The following NME7 variants were observed in gnomAD, a reference collection of about 807,000 sequenced individuals.
The protein encoded by NME7 is nucleoside diphosphate kinase 7.
In NME7, 41 loss-of-function variants were observed where a neutral mutation model predicts 49.1. The ratio of observed to expected loss-of-function variants is 0.83; its 90% CI spans 0.65 to 1.08. NME7 has a LOEUF of 1.08. Ranked by LOEUF, NME7 falls within the 50% of genes least tolerant of loss-of-function variation. NME7 has a pLI of 0.00. For missense variants in NME7, 423 were observed against 463.4 expected, an observed-to-expected ratio of 0.91 and a Z score of 0.80; for synonymous variants, 139 against 150.6, an observed-to-expected ratio of 0.92 and a Z score of 0.56.
intron 1 of NME7, among the ~76,000 whole-genome samples, chr1:169,330,858 C>T (rs1032866685): frequency 6.6e-6 from 1 of 151,838 alleles, no homozygotes; most frequent in South Asian, 2.1e-4. Context: ...CCTAAAGAGA[C>T]CAATAACAAG....
At chr1:169,195,836 G>A (rs1660365455) in intron 10 of NME7, among the ~76,000 whole-genome samples, 1 of 152,150 alleles carries the variant, frequency 6.6e-6, no homozygotes, top group African/African-American at 2.4e-5. Flanking sequence ...CCAAGAGCTT[G>A]CATGCTAGTG....
intron 7 of NME7, among the ~76,000 whole-genome samples, chr1:169,263,559 C>A: frequency 2.3e-5 from 3 of 132,332 alleles, no homozygotes; most frequent in African/African-American, 2.5e-5. Context: ...AGGAAGAAAA[C>A]AGAACAAAAA....
chr1:169,134,824 T>G (rs1658377367), intron 11 of NME7, among the ~76,000 whole-genome samples: 1 of 151,798 alleles, frequency 6.6e-6, no homozygotes, highest in Admixed American at 6.6e-5. Flanking sequence ...GTGGTAAATA[T>G]GATAAAAAGC....
chr1:169,177,903 C>A (rs1830492), intron 10 of NME7, among the ~76,000 whole-genome samples: 53,892 of 151,768 alleles, frequency 0.36, 10,387 homozygotes, highest in East Asian at 0.73. Flanking sequence ...GTGGCGTGAT[C>A]GCGGCTCACT....
intron 6 of NME7, among the ~76,000 whole-genome samples, chr1:169,290,806 A>T (rs1255984786): frequency 6.6e-6 from 1 of 152,204 alleles, no homozygotes. Flanking sequence ...CAAGGAACTT[A>T]AACACATTTA....
chr1:169,201,580 G>A (rs74537381), intron 10 of NME7, among the ~76,000 whole-genome samples: 2,211 of 152,210 alleles, frequency 0.015, 50 homozygotes, highest in African/African-American at 0.048. Flanking sequence ...TATCTTGAAG[G>A]ACTTGATTGA....
At chr1:169,287,832 A>G (rs1650337718) in intron 6 of NME7, among the ~76,000 whole-genome samples, 2 of 152,192 alleles carry the variant, frequency 1.3e-5, no homozygotes, top group Admixed American at 1.3e-4. Context: ...AGAGATTAAT[A>G]TCAGGAATCT....
rs1322051840 is a variant in NME7, at chr1:169,314,817, T to C, written c.279-4737A>G. ...AACAAAAACTAATGAAAGGCACACA[T>C]AGAAGAGAATACTGAAAATCTAAAG... On this transcript the variant is annotated intron_variant, in intron 3 of 11. Coordinates refer to ENST00000367811, the MANE Select transcript of NME7 (RefSeq NM_013330.5). 5.3e-5 allele frequency among the ~76,000 whole-genome samples: 8 copies of C among 151,868 alleles called. 1 individual carries two copies. The South Asian group carries it at 1.7e-3, about 32-fold the overall frequency.
Position 169,274,482 on chromosome 1 carries a change from C to T in NME7, c.754+12821G>A, listed in dbSNP as rs376170999. The stretch of plus-strand genomic sequence containing the variant: ...GCTCTTTAGTTTAATTAGATCCCAT[C>T]TGTCAATTTTGGCTTTTGTTGCCAT... On this transcript the variant is annotated intron_variant, in intron 7 of 11. Transcript: ENST00000367811. Among the ~76,000 whole-genome samples, 7 of 129,780 alleles carry T rather than the reference C, an allele frequency of 5.4e-5. 1 individual carries two copies. The East Asian group carries it at 9.9e-4, about 18-fold the overall frequency. 85.1% of individuals were successfully genotyped at this position (129,780 alleles called of 152,430 possible).
At position 169,132,788 on chromosome 1, in the gene NME7, A is replaced by G. The variant is rs763836757; in HGVS notation, c.1128T>C (p.Asn376=). ...EVQYFFKILD[N] ...GACTTCTTTACTTTCCACACCACTAATTATCCAAGATCTTGAAGAAGTATT... is the reference window on the plus strand; with the variant it reads ...GACTTCTTTACTTTCCACACCACTAGTTATCCAAGATCTTGAAGAAGTATT... Residue 376 remains asparagine (N), a synonymous_variant, in exon 12 of 12, where the codon AAT becomes AAC. Coordinates refer to ENST00000367811, the MANE Select transcript of NME7 (RefSeq NM_013330.5). 5.0e-5 allele frequency: 81 copies of G among 1,613,098 alleles called. No homozygotes were observed. In the South Asian group the frequency reaches 8.6e-4, roughly 17 times the overall value.
At chr1:169,311,322 G>C (rs1022868609) in intron 3 of NME7, among the ~76,000 whole-genome samples, 11 of 150,622 alleles carry the variant, frequency 7.3e-5, no homozygotes, top group Non-Finnish European at 1.6e-4. Flanking sequence ...AGGAGGTTGA[G>C]GCAGGAGAAT....
rs1327772816 is a variant in NME7 at position 169,353,313 on chromosome 1, A to G, written c.3+14395T>C. ...TTGGAGAAGACAGCCTCTTCAATAA[A>G]TGGTACTGGAAAAACTGGGTATTTA... On this transcript the variant is annotated intron_variant, in intron 1 of 11. Coordinates refer to ENST00000367811, the MANE Select transcript of NME7 (RefSeq NM_013330.5). 2.0e-5 allele frequency among the ~76,000 whole-genome samples: 3 copies of G among 152,152 alleles called. No homozygotes were observed. In the East Asian group the frequency reaches 5.8e-4, roughly 29 times the overall value.
chr1:169,334,966 C>T (rs1368213229), intron 1 of NME7, among the ~76,000 whole-genome samples: 1 of 152,116 alleles, frequency 6.6e-6, no homozygotes, highest in East Asian at 1.9e-4. Flanking sequence ...TGAAAAAAAG[C>T]TCAACATCAC....
At chr1:169,269,139 T>G (rs1238844213) in intron 7 of NME7, among the ~76,000 whole-genome samples, 1 of 133,410 alleles carries the variant, frequency 7.5e-6, no homozygotes, top group East Asian at 2.0e-4. Flanking sequence ...ACAGAACTCT[T>G]GAGATTCCTT....
intron 4 of NME7, among the ~76,000 whole-genome samples, chr1:169,304,573 G>A (rs1230441735): frequency 6.6e-6 from 1 of 151,962 alleles, no homozygotes. Context: ...ATGGAAAGGA[G>A]AAAAAAATCA....
intron 3 of NME7, among the ~76,000 whole-genome samples, chr1:169,319,411 C>T (rs540779918): frequency 3.2e-4 from 49 of 152,246 alleles, no homozygotes; most frequent in African/African-American, 1.1e-3. Flanking sequence ...TAAGCAAATG[C>T]TTGGAATTTT....
At chr1:169,145,204 G>T (rs1198405584) in intron 11 of NME7, among the ~76,000 whole-genome samples, 3 of 152,134 alleles carry the variant, frequency 2.0e-5, no homozygotes, top group Non-Finnish European at 4.4e-5. Flanking sequence ...AATTATTTTT[G>T]CTGTTTTCAA....
chr1:169,292,397 A>T (rs1305332924), intron 6 of NME7, among the ~76,000 whole-genome samples: 1 of 152,172 alleles, frequency 6.6e-6, no homozygotes, highest in East Asian at 1.9e-4. Flanking sequence ...CAAACCACAT[A>T]CCATGAGAAA....
intron 11 of NME7, among the ~76,000 whole-genome samples, chr1:169,140,874 G>A (rs763584353): frequency 6.6e-6 from 1 of 152,042 alleles, no homozygotes. Context: ...CCCCCACCCT[G>A]GAGAGTCTGA....
Sources: gnomAD v4.1 joint callset for allele counts (sites outside exome capture counted in the v4.1 genomes callset) on GRCh38, gnomAD v4.1.1 for gene constraint, MANE v1.5 for transcripts, NCBI Gene and HGNC (gene_info 2026-07-23, HGNC 2026-07-21) for gene names.